RNF220: variants seen among roughly 807,000 people sequenced by gnomAD.
RNF220 encodes E3 ubiquitin-protein ligase RNF220.
Under a neutral mutation model 67.1 loss-of-function variants are expected in RNF220, and 7 were observed. The ratio of observed to expected loss-of-function variants is 0.10; its 90% CI spans 0.06 to 0.20. The LOEUF is 0.20. Ranked by LOEUF, RNF220 falls within the 10% of genes least tolerant of loss-of-function variation. The probability of loss-of-function intolerance (pLI) is 1.00; values close to 1 mark genes in which losing one functional copy is unlikely to be tolerated. For missense variants in RNF220, 565 were observed against 740.3 expected, an observed-to-expected ratio of 0.76 and a Z score of 2.75; for synonymous variants, 270 against 283.2, an observed-to-expected ratio of 0.95 and a Z score of 0.47.
intron 2 of RNF220, among the ~76,000 whole-genome samples, chr1:44,506,909 C>T (rs1392742562): frequency 6.6e-6 from 1 of 152,170 alleles, no homozygotes; most frequent in Non-Finnish European, 1.5e-5. Flanking sequence ...ACTCCAGAAC[C>T]AATCATAGAT....
intron 2 of RNF220, among the ~76,000 whole-genome samples, chr1:44,439,334 G>T (rs1408873608): frequency 6.6e-6 from 1 of 152,056 alleles, no homozygotes; most frequent in East Asian, 1.9e-4. Context: ...ATTGGGATTA[G>T]TTTATCTTCT....
chr1:44,535,961 T>C (rs1290474372), intron 2 of RNF220, among the ~76,000 whole-genome samples: 1 of 152,176 alleles, frequency 6.6e-6, no homozygotes, highest in Non-Finnish European at 1.5e-5. Context: ...TGGGGAGCGG[T>C]GAGAAAGGAT....
chr1:44,650,835 C>A lies in RNF220; in HGVS notation c.*60C>A. 2 of 1,475,260 alleles carry A rather than the reference C, an allele frequency of 1.4e-6. No homozygotes were observed. The highest frequency in any genetic ancestry group is 1.9e-6 in the Non-Finnish European group (2 of 1,059,536). 91.4% of individuals were successfully genotyped at this position (1,475,260 alleles called of 1,614,324 possible). On this transcript the variant is annotated 3_prime_UTR_variant, in exon 15 of 15. Coordinates refer to ENST00000361799, the MANE Select transcript of RNF220 (RefSeq NM_018150.4). This position sits in a 1 kb window ranked among gnomAD's most constrained non-coding sequence, Gnocchi z 4.3. Reference sequence around the variant, plus strand: ...CCCCACCTGCCCCCAGCCTCTGTGACAGTGACCGTCTCCCTTTGTACATAC... The same window carrying A: ...CCCCACCTGCCCCCAGCCTCTGTGAAAGTGACCGTCTCCCTTTGTACATAC...
At chr1:44,550,414 G>C (rs1662535342) in intron 2 of RNF220, among the ~76,000 whole-genome samples, 1 of 152,188 alleles carries the variant, frequency 6.6e-6, no homozygotes, top group Non-Finnish European at 1.5e-5. Flanking sequence ...CCATGCAGCT[G>C]GTCTTGGTTT....
intron 2 of RNF220, among the ~76,000 whole-genome samples, chr1:44,446,336 A>G (rs1203107199): frequency 1.3e-5 from 2 of 152,218 alleles, no homozygotes; most frequent in Non-Finnish European, 2.9e-5. Flanking sequence ...CAAATCTGTT[A>G]TATGGTATTG....
At position 44,513,137 on chromosome 1, in the gene RNF220, G is replaced by T. The variant is rs185720814; in HGVS notation, c.625+100415G>T. On this transcript the variant is annotated intron_variant, in intron 2 of 14. Transcript: ENST00000361799. ...ACTTTCTGGCCTGTGATAGACATTC[G>T]CAGTAGCTGGTTTGGCAATTCAGAA... Among the ~76,000 whole-genome samples, 6 of 152,318 alleles carry T rather than the reference G, an allele frequency of 3.9e-5. 1 individual carries two copies. The highest frequency in any genetic ancestry group is 3.3e-4 in the Admixed American group (5 of 15,308).
chr1:44,490,344 C>T (rs1406602865), intron 2 of RNF220, among the ~76,000 whole-genome samples: 1 of 151,918 alleles, frequency 6.6e-6, no homozygotes, highest in Non-Finnish European at 1.5e-5. Context: ...GTGGCGAGCG[C>T]CTGTAATCCC....
intron 2 of RNF220, among the ~76,000 whole-genome samples, chr1:44,506,386 G>A (rs1658427104): frequency 6.6e-6 from 1 of 152,240 alleles, no homozygotes; most frequent in African/African-American, 2.4e-5. Flanking sequence ...TCACACCAAG[G>A]CAGGAAGGCC....
At chr1:44,447,492 T>C (rs1409219588) in intron 2 of RNF220, among the ~76,000 whole-genome samples, 1 of 152,238 alleles carries the variant, frequency 6.6e-6, no homozygotes, top group East Asian at 1.9e-4. Flanking sequence ...TTCTAAATGG[T>C]CTTTTGCTTC....
intron 2 of RNF220, among the ~76,000 whole-genome samples, chr1:44,557,961 G>T (rs1663252169): frequency 6.6e-6 from 1 of 152,198 alleles, no homozygotes; most frequent in East Asian, 1.9e-4. Flanking sequence ...GAGTGCCACG[G>T]CTGAGCCCTG....
At chr1:44,571,477 G>T (rs1664440904) in intron 2 of RNF220, among the ~76,000 whole-genome samples, 1 of 152,142 alleles carries the variant, frequency 6.6e-6, no homozygotes, top group African/African-American at 2.4e-5. Flanking sequence ...ATGCCACTGT[G>T]TCTTTATTTG....
At chr1:44,515,718 C>T (rs1475582766) in intron 2 of RNF220, among the ~76,000 whole-genome samples, 2 of 152,158 alleles carry the variant, frequency 1.3e-5, no homozygotes, top group Non-Finnish European at 2.9e-5. Context: ...TGAGAAGGCT[C>T]TCTTGGCAAT....
intron 2 of RNF220, among the ~76,000 whole-genome samples, chr1:44,503,563 T>G (rs1295248983): frequency 6.6e-6 from 1 of 152,150 alleles, no homozygotes. Flanking sequence ...TCCATCTGAT[T>G]TGCAGCCACA....
intron 2 of RNF220, among the ~76,000 whole-genome samples, chr1:44,501,773 G>T (rs567439850): frequency 6.6e-6 from 1 of 152,074 alleles, no homozygotes; most frequent in Non-Finnish European, 1.5e-5. Flanking sequence ...TGCAGGAGAG[G>T]GGGGCTGGGT....
At chr1:44,507,681 G>A (rs1166944495) in intron 2 of RNF220, among the ~76,000 whole-genome samples, 3 of 152,116 alleles carry the variant, frequency 2.0e-5, no homozygotes, top group African/African-American at 7.2e-5. Flanking sequence ...GCAGAGGGGG[G>A]TACGGAATGA....
intron 2 of RNF220, among the ~76,000 whole-genome samples, chr1:44,483,453 G>A (rs1264652153): frequency 1.3e-5 from 2 of 152,212 alleles, no homozygotes; most frequent in Non-Finnish European, 2.9e-5. Context: ...GAAGTGCCAT[G>A]CCCATATCAG....
At chr1:44,574,040 C>T (rs1482995258) in intron 2 of RNF220, among the ~76,000 whole-genome samples, 1 of 152,094 alleles carries the variant, frequency 6.6e-6, no homozygotes, top group East Asian at 1.9e-4. Context: ...ATCACCTGAG[C>T]CCAGGGAGAT....
chr1:44,551,119 CTTT>C (rs386366846), intron 2 of RNF220, among the ~76,000 whole-genome samples: 5,621 of 97,398 alleles, frequency 0.058, 148 homozygotes, highest in East Asian at 0.17. Flanking sequence ...CACTTCTTGC[CTTT>C]TTTTTTTTTT....
chr1:44,471,794 A>G (rs1654834383), intron 2 of RNF220, among the ~76,000 whole-genome samples: 1 of 151,954 alleles, frequency 6.6e-6, no homozygotes, highest in African/African-American at 2.4e-5. Context: ...ATTGCACTCC[A>G]GCTTGGGCAA....
Sources: gnomAD v4.1 joint callset for allele counts (sites outside exome capture counted in the v4.1 genomes callset) on GRCh38, gnomAD v4.1.1 for gene constraint, Gnocchi (gnomAD v3.1) non-coding constraint, MANE v1.5 for transcripts, NCBI Gene and HGNC (gene_info 2026-07-23, HGNC 2026-07-21) for gene names.